Variants in ZFHX3 observed in about 807,000 individuals in gnomAD.
ZFHX3 encodes the protein zinc finger homeobox 3, also known as zinc finger homeobox protein 3.
In ZFHX3, 42 loss-of-function variants were observed where a neutral mutation model predicts 279.1. The observed-to-expected ratio is 0.15, with a 90% CI of 0.12 to 0.19. The LOEUF (loss-of-function observed/expected upper bound fraction) is 0.19. Ranked by LOEUF, ZFHX3 falls within the 10% of genes least tolerant of loss-of-function variation. The pLI is 1.00. For missense variants in ZFHX3, 4,981 were observed against 4,754.0 expected (o/e 1.05, Z -1.40); for synonymous variants, 2,293 against 1,957.8 (o/e 1.17, Z -4.52).
chr16:73,399,226 G>A (rs1278068221), intron 3 of ZFHX3, among the ~76,000 whole-genome samples: 1 of 152,022 alleles, frequency 6.6e-6, no homozygotes, highest in East Asian at 1.9e-4. Flanking sequence ...GGAAGGGATG[G>A]GAACCTGAGT....
intron 2 of ZFHX3, among the ~76,000 whole-genome samples, chr16:73,562,334 A>T (rs200259373): frequency 6.6e-6 from 1 of 152,102 alleles, no homozygotes; most frequent in Non-Finnish European, 1.5e-5. Flanking sequence ...GGTGGCTCAC[A>T]CCTGTAATCC....
chr16:73,229,929 T>C (rs1211444653), intron 5 of ZFHX3, among the ~76,000 whole-genome samples: 1 of 152,102 alleles, frequency 6.6e-6, no homozygotes, highest in Non-Finnish European at 1.5e-5. Flanking sequence ...TAAAAAGGGA[T>C]TGGTAACTGA....
chr16:73,423,006 G>A (rs1209092362), intron 3 of ZFHX3, among the ~76,000 whole-genome samples: 4 of 152,094 alleles, frequency 2.6e-5, no homozygotes, highest in Admixed American at 2.6e-4. Flanking sequence ...TCTTCAAATG[G>A]TCTTCCCTCT....
At chr16:73,716,798 C>G (rs1010489503) in intron 1 of ZFHX3, among the ~76,000 whole-genome samples, 1 of 152,042 alleles carries the variant, frequency 6.6e-6, no homozygotes, top group South Asian at 2.1e-4. Flanking sequence ...AAAGCATTAT[C>G]GATTTTTGCC....
intron 3 of ZFHX3, among the ~76,000 whole-genome samples, chr16:72,904,438 G>C (rs1435240237): frequency 6.6e-6 from 1 of 151,888 alleles, no homozygotes; most frequent in African/African-American, 2.4e-5. Flanking sequence ...TGGGCTGAAA[G>C]TTTGAACAGA....
chr16:73,204,824 G>A (rs1448629047), intron 5 of ZFHX3, among the ~76,000 whole-genome samples: 4 of 152,182 alleles, frequency 2.6e-5, no homozygotes, highest in East Asian at 3.9e-4. Context: ...GGGTAGTCAC[G>A]GCTTTCCTCA....
intron 1 of ZFHX3, among the ~76,000 whole-genome samples, chr16:73,711,320 T>TA (rs1373909598): frequency 6.6e-6 from 1 of 152,138 alleles, no homozygotes; most frequent in Non-Finnish European, 1.5e-5. Flanking sequence ...ATTCTCGGTA[T>TA]AAGAAAATAA....
At chr16:73,683,372 G>A (rs2053046647) in intron 1 of ZFHX3, among the ~76,000 whole-genome samples, 1 of 152,134 alleles carries the variant, frequency 6.6e-6, no homozygotes, top group South Asian at 2.1e-4. Flanking sequence ...AGAGCCTTAA[G>A]CCACGAGATA....
At chr16:73,043,301 C>T (rs1366205806) in intron 1 of ZFHX3, among the ~76,000 whole-genome samples, 1 of 152,180 alleles carries the variant, frequency 6.6e-6, no homozygotes, top group Non-Finnish European at 1.5e-5. Flanking sequence ...CTCTGATGGA[C>T]AGGGAGAGGG....
chr16:73,288,196 G>A (rs1179465790), intron 4 of ZFHX3, among the ~76,000 whole-genome samples: 1 of 151,844 alleles, frequency 6.6e-6, no homozygotes, highest in Non-Finnish European at 1.5e-5. Context: ...GGAGAGAAGG[G>A]GGACTTTGGG....
At chr16:73,339,238 A>T (rs1254510443) in intron 3 of ZFHX3, among the ~76,000 whole-genome samples, 1 of 152,070 alleles carries the variant, frequency 6.6e-6, no homozygotes, top group Non-Finnish European at 1.5e-5. Context: ...TGCCCTCCCA[A>T]AGCACTGTGC....
chr16:73,693,094 G>A (rs1161752411), intron 1 of ZFHX3, among the ~76,000 whole-genome samples: 1 of 152,146 alleles, frequency 6.6e-6, no homozygotes, highest in African/African-American at 2.4e-5. Flanking sequence ...AGTAAAGTTA[G>A]CAGTAACTAC....
chr16:73,589,708 TGG>T (rs2051971550), intron 2 of ZFHX3, among the ~76,000 whole-genome samples: 1 of 111,544 alleles, frequency 9.0e-6, no homozygotes, highest in Admixed American at 1.4e-4. Context: ...CCATCCAGCC[TGG>T]GTGACAGAGC....
chr16:73,717,335 G>A (rs8043636), intron 1 of ZFHX3, among the ~76,000 whole-genome samples: 33,496 of 152,098 alleles, frequency 0.22, 3,956 homozygotes, highest in African/African-American at 0.24. Context: ...CCACCCACCT[G>A]TAACAGAGAC....
At chr16:73,316,921 T>C (rs564609347) in intron 4 of ZFHX3, among the ~76,000 whole-genome samples, 2 of 152,228 alleles carry the variant, frequency 1.3e-5, no homozygotes, top group Non-Finnish European at 2.9e-5. Flanking sequence ...TGGCTGATTT[T>C]GGTATCATGC....
At chr16:73,045,712 G>T (rs996714049) in intron 1 of ZFHX3, among the ~76,000 whole-genome samples, 1 of 141,396 alleles carries the variant, frequency 7.1e-6, no homozygotes, top group Non-Finnish European at 1.5e-5. Flanking sequence ...TTTCTCAATA[G>T]TTCCCTGTTC....
intron 2 of ZFHX3, among the ~76,000 whole-genome samples, chr16:73,573,626 G>T (rs2051764658): frequency 6.6e-6 from 1 of 152,160 alleles, no homozygotes; most frequent in African/African-American, 2.4e-5. Context: ...ATCAAGTAAG[G>T]TTAACTTTAT....
At chr16:73,155,185 A>C (rs1453663452) in intron 5 of ZFHX3, among the ~76,000 whole-genome samples, 3 of 151,576 alleles carry the variant, frequency 2.0e-5, no homozygotes, top group African/African-American at 4.8e-5. Flanking sequence ...AAAAACAAAA[A>C]AAAAAAAAAC....
chr16:73,153,487 A>C (rs1966999218), intron 5 of ZFHX3, among the ~76,000 whole-genome samples: 1 of 152,090 alleles, frequency 6.6e-6, no homozygotes, highest in Non-Finnish European at 1.5e-5. Context: ...AAATGGCCTC[A>C]ACACATTAAC....
Sources: gnomAD v4.1 joint callset for allele counts (sites outside exome capture counted in the v4.1 genomes callset) on GRCh38, gnomAD v4.1.1 for gene constraint, MANE v1.5 for transcripts, NCBI Gene and HGNC (gene_info 2026-07-23, HGNC 2026-07-21) for gene names.